Variants in HOXA3 observed in about 807,000 individuals in gnomAD.
The protein encoded by HOXA3 is homeobox A3.
In HOXA3, 8 loss-of-function variants were observed where a neutral mutation model predicts 30.3. That is an observed-to-expected ratio of 0.26 (90% CI 0.15 to 0.48). HOXA3 has a LOEUF of 0.48. Among genes scored for constraint, HOXA3 ranks in the 20% least tolerant of loss-of-function variants. The probability of loss-of-function intolerance (pLI) is 0.99; values close to 1 mark genes in which losing one functional copy is unlikely to be tolerated. For synonymous variants in HOXA3, 323 were observed against 273.1 expected (o/e 1.18, Z -1.80); for missense variants, 653 against 614.4 (o/e 1.06, Z -0.66).
Position 27,110,582 on chromosome 7 carries a change from G to A in HOXA3, c.59C>T (p.Ala20Val), listed in dbSNP as rs1169731987. Reference protein sequence around the residue: ...SAIYGGYPYQAANGFAYNANQ... With the variant: ...SAIYGGYPYQVANGFAYNANQ... ...GGCATTATAAGCGAACCCGTTGGCT[G>A]CCTGGTAGGGGTAGCCACCGTAGAT... Residue 20 changes from alanine to valine, a missense_variant, in exon 5 of 6, where the codon GCA (alanine) becomes GTA (valine). Ala to Val is a moderately conservative substitution (Grantham distance 64). This residue lies in a region of HOXA3 where 320 missense variants were observed against 321.9 expected (regional missense o/e 0.99). Coordinates refer to ENST00000612286, the MANE Select transcript of HOXA3 (RefSeq NM_153631.3). The A allele has an allele frequency of 2.3e-5, 37 of 1,607,522 alleles. No homozygotes were observed. Among genetic ancestry groups the A allele is most frequent in the Non-Finnish European group, 3.1e-5 (36 of 1,175,510 alleles).
At chr7:27,150,901 G>A (rs1782949255) in intron 1 of HOXA3, 1 of 152,258 alleles carries the variant, frequency 6.6e-6, no homozygotes, top group South Asian at 2.1e-4. Context: ...GGAAATCTCT[G>A]AGGGGCCAGT....
intron 1 of HOXA3, among the ~76,000 whole-genome samples, chr7:27,145,113 G>A (rs569195891): frequency 1.6e-4 from 25 of 152,342 alleles, no homozygotes; most frequent in African/African-American, 5.8e-4. Flanking sequence ...TCCTGTTCTG[G>A]GAGGCGGCTT....
chr7:27,114,621 T>A (rs527724998), intron 4 of HOXA3, among the ~76,000 whole-genome samples: 1 of 150,228 alleles, frequency 6.7e-6, no homozygotes, highest in Admixed American at 6.7e-5. Flanking sequence ...TGGGCTCAGG[T>A]ACAAACAAGG....
rs1491439396 is a variant in HOXA3 at position 27,114,827 on chromosome 7, A to AATATATATTATATATATTATATATATT, written c.-120-4068_-120-4067insAATATATATAATATATATAATATATAT. Reference sequence around the variant, plus strand: ...ATTCCTAAAACATACATATATATATAATATATATTATATATATAATATATA... The same window carrying AATATATATTATATATATTATATATATT: ...ATTCCTAAAACATACATATATATATAATATATATTATATATATTATATATATTATATATATTATATATATAATATATA... On this transcript the variant is annotated intron_variant, in intron 4 of 5. Coordinates refer to ENST00000612286, the MANE Select transcript of HOXA3 (RefSeq NM_153631.3). 6.6e-4 allele frequency among the ~76,000 whole-genome samples: 65 copies of AATATATATTATATATATTATATATATT among 98,496 alleles called. 7 individuals carry two copies. The highest frequency in any genetic ancestry group is 5.6e-3 in the East Asian group (19 of 3,380). 64.6% of individuals were successfully genotyped at this position (98,496 alleles called of 152,430 possible). A position where few individuals can be genotyped will look rare whatever the true frequency, so the allele number is the denominator to read the frequency against.
At chr7:27,141,453 A>T (rs562682994) in intron 1 of HOXA3, 18 of 200,034 alleles carry the variant, frequency 9.0e-5, no homozygotes, top group Non-Finnish European at 1.6e-4. Flanking sequence ...TTCCACGCAC[A>T]TGCACAGTTA....
intron 1 of HOXA3, chr7:27,147,554 C>T: frequency 6.2e-7 from 1 of 1,614,202 alleles, no homozygotes; most frequent in South Asian, 1.1e-5. Context: ...CGGTTGCAGG[C>T]CAGGACCGAG....
chr7:27,140,607 T>A (rs1456638749), intron 1 of HOXA3: 1 of 151,086 alleles, frequency 6.6e-6, no homozygotes, highest in Non-Finnish European at 1.5e-5. Flanking sequence ...GGGTGAAGAG[T>A]GGGGAAGGGG....
At position 27,113,059 on chromosome 7, in the gene HOXA3, A is replaced by G. The variant is rs1784467239; in HGVS notation, c.-120-2299T>C. Among the ~76,000 whole-genome samples the G allele has an allele frequency of 6.7e-6, 1 of 148,556 alleles. No individual in the cohort carries two copies. Among genetic ancestry groups the G allele is most frequent in the African/African-American group, 2.4e-5 (1 of 40,838 alleles). Reference sequence around the variant, plus strand: ...ATCCCCCCACCCCAACCCAGCCCCCAAAGTTTGCAACCTAGTAAAGAAGTT... The same window carrying G: ...ATCCCCCCACCCCAACCCAGCCCCCGAAGTTTGCAACCTAGTAAAGAAGTT... On this transcript the variant is annotated intron_variant, in intron 4 of 5. Coordinates refer to ENST00000612286, the MANE Select transcript of HOXA3 (RefSeq NM_153631.3). The surrounding 1 kb of genome is among the most constrained non-coding windows in gnomAD (Gnocchi z 4.8).
intron 1 of HOXA3, chr7:27,151,674 C>T (rs1158186328): frequency 2.2e-6 from 1 of 456,716 alleles, no homozygotes; most frequent in South Asian, 1.5e-5. Flanking sequence ...AGAACTCTGG[C>T]TGAATTAGTA....
chr7:27,120,527 C>A (rs549034309), intron 4 of HOXA3, among the ~76,000 whole-genome samples: 2 of 121,572 alleles, frequency 1.6e-5, no homozygotes, highest in East Asian at 4.8e-4. Context: ...GGACAGAGCG[C>A]GACTCTGTCA....
chr7:27,118,614 A>G (rs1784854283), intron 4 of HOXA3, among the ~76,000 whole-genome samples: 1 of 152,174 alleles, frequency 6.6e-6, no homozygotes, highest in African/African-American at 2.4e-5. Flanking sequence ...ATCTCCACTT[A>G]TATTTCTTTA....
At chr7:27,131,068 T>C (rs1373128413) in intron 2 of HOXA3, among the ~76,000 whole-genome samples, 2 of 152,114 alleles carry the variant, frequency 1.3e-5, no homozygotes, top group African/African-American at 4.8e-5. Context: ...GAGCAGGAGC[T>C]TTGGACCCCA....
intron 1 of HOXA3, chr7:27,150,781 G>C (rs1226905078): frequency 2.0e-5 from 3 of 152,564 alleles, no homozygotes; most frequent in Non-Finnish European, 2.9e-5. Context: ...AGTCTATAAC[G>C]GCGTCCAGCT....
chr7:27,112,283 G>A (rs1424899733), intron 4 of HOXA3, among the ~76,000 whole-genome samples: 1 of 152,054 alleles, frequency 6.6e-6, no homozygotes, highest in African/African-American at 2.4e-5. Flanking sequence ...TGTATATTGA[G>A]TCCCAGAGTT....
In HOXA3 at chr7:27,108,085, G is replaced by A. The variant is rs759888198; in HGVS notation, c.1162C>T (p.Leu388Phe). 2 of 1,612,756 alleles carry A rather than the reference G, an allele frequency of 1.2e-6. No individual in the cohort carries two copies. Among genetic ancestry groups the A allele is most frequent in the Non-Finnish European group, 1.7e-6 (2 of 1,179,172 alleles). The stretch of plus-strand genomic sequence containing the variant: ...ATGGCGCCCGAGGCAGCGTGGGGGA[G>A]GTGAGTTAGACCAAAGAGGGCTGGC... ...SGPALFGLTHLPHAASGAMDY... is the reference protein window; with the variant it reads ...SGPALFGLTHFPHAASGAMDY... Residue 388 changes from leucine (L) to phenylalanine (F), a missense_variant, in exon 6 of 6, where the codon CTC becomes TTC. Around this residue, in one of 3 missense-constraint regions of HOXA3, gnomAD observed 330 missense variants for 274.4 expected, o/e 1.20. Coordinates refer to ENST00000612286, the MANE Select transcript of HOXA3 (RefSeq NM_153631.3). The surrounding 1 kb of genome is among the most constrained non-coding windows in gnomAD (Gnocchi z 5.0).
chr7:27,130,673 C>T (rs763416218), intron 2 of HOXA3: 2 of 1,607,820 alleles, frequency 1.2e-6, no homozygotes, highest in Admixed American at 1.7e-5. Context: ...GCGTACTCCT[C>T]GAAGGGAGGG....
intron 2 of HOXA3, chr7:27,130,065 A>C (rs534222726): frequency 1.3e-6 from 2 of 1,533,506 alleles, no homozygotes; most frequent in Non-Finnish European, 1.8e-6. Context: ...CGACCCTCGA[A>C]CCCAGGCCCA....
Position 27,113,261 on chromosome 7 carries a change from T to C in HOXA3, c.-120-2501A>G, listed in dbSNP as rs1784477842. Among the ~76,000 whole-genome samples, 1 of 152,232 alleles carries C rather than the reference T, an allele frequency of 6.6e-6. No individual in the cohort carries two copies. On this transcript the variant is annotated intron_variant, in intron 4 of 5. Coordinates refer to ENST00000612286, the MANE Select transcript of HOXA3 (RefSeq NM_153631.3). This position sits in a 1 kb window ranked among gnomAD's most constrained non-coding sequence, Gnocchi z 4.8. ...CAAGCCCTATTGTCTCTCTGGAAGA[T>C]GTGCCCAAATTCAACCTCCGTCCTT...
intron 4 of HOXA3, among the ~76,000 whole-genome samples, chr7:27,119,053 G>A (rs1174976319): frequency 1.3e-5 from 2 of 151,512 alleles, no homozygotes; most frequent in South Asian, 4.2e-4. Context: ...TTGCACTTAA[G>A]CATTTCCTCA....
Sources: gnomAD v4.1 joint callset for allele counts (sites outside exome capture counted in the v4.1 genomes callset) on GRCh38, gnomAD v4.1.1 for gene constraint, gnomAD v4.1.1 regional missense constraint, Gnocchi (gnomAD v3.1) non-coding constraint, MANE v1.5 for transcripts, NCBI Gene and HGNC (gene_info 2026-07-23, HGNC 2026-07-21) for gene names.